Variants in AUTS2 observed in about 807,000 individuals in gnomAD.
AUTS2 encodes the protein activator of transcription and developmental regulator AUTS2.
AUTS2 carries 17 observed loss-of-function variants against 112.4 expected under a neutral mutation model. The observed-to-expected ratio is 0.15, with a 90% CI of 0.10 to 0.23. The LOEUF is 0.23. Among genes scored for constraint, AUTS2 ranks in the 10% least tolerant of loss-of-function variants. The pLI is 1.00. For synonymous variants in AUTS2, 751 were observed against 702.7 expected (o/e 1.07, Z -1.09); for missense variants, 1,510 against 1,701.6 (o/e 0.89, Z 1.98).
chr7:70,453,292 A>C (rs1237711321), intron 5 of AUTS2, among the ~76,000 whole-genome samples: 1 of 152,206 alleles, frequency 6.6e-6, no homozygotes, highest in Non-Finnish European at 1.5e-5. Context: ...GAGACTTCTC[A>C]GCGTCTGTGA....
intron 5 of AUTS2, among the ~76,000 whole-genome samples, chr7:70,666,428 G>A (rs145683273): frequency 2.0e-5 from 3 of 152,318 alleles, no homozygotes; most frequent in Non-Finnish European, 4.4e-5. Context: ...GGGAGACTTA[G>A]ATTACAGGAC....
At chr7:70,573,023 T>C (rs961836460) in intron 5 of AUTS2, among the ~76,000 whole-genome samples, 8 of 152,240 alleles carry the variant, frequency 5.3e-5, no homozygotes, top group African/African-American at 1.9e-4. Flanking sequence ...TATTGAATTT[T>C]CATGATGGAC....
chr7:70,113,934 A>G (rs1307967328), intron 2 of AUTS2, among the ~76,000 whole-genome samples: 1 of 152,204 alleles, frequency 6.6e-6, no homozygotes, highest in Non-Finnish European at 1.5e-5. Context: ...GTGGATCGTT[A>G]TTTTCCTAAT....
intron 5 of AUTS2, among the ~76,000 whole-genome samples, chr7:70,660,133 C>T (rs976341972): frequency 4.6e-5 from 7 of 151,084 alleles, no homozygotes; most frequent in African/African-American, 1.5e-4. Context: ...GCCAAGACTG[C>T]ACCACTGTAC....
chr7:70,392,481 T>C (rs1425975568), intron 4 of AUTS2, among the ~76,000 whole-genome samples: 3 of 152,152 alleles, frequency 2.0e-5, no homozygotes, highest in African/African-American at 7.2e-5. Context: ...TCTGGTGAGT[T>C]TTGAAAATAC....
intron 1 of AUTS2, among the ~76,000 whole-genome samples, chr7:69,696,727 T>G (rs945807558): frequency 5.9e-5 from 9 of 152,222 alleles, no homozygotes; most frequent in African/African-American, 2.2e-4. Context: ...TGTGTAACAT[T>G]AATTTTCTAA....
rs1359419429 is a variant in AUTS2 at position 70,781,704 on chromosome 7, C to T, written c.2094C>T (p.Ala698=). 1.2e-6 allele frequency: 2 copies of T among 1,614,100 alleles called. No individual in the cohort carries two copies. Among genetic ancestry groups the T allele is most frequent in the Non-Finnish European group, 1.7e-6 (2 of 1,180,046 alleles). ...SRPPGPSLFG[A]IHHPHDLARP... is the part of the protein sequence containing the mutation. ...CTCCAGGCCCCAGTCTTTTTGGAGC[C>T]ATCCACCACCCCCATGACCTGGCAC... The change falls in exon 15 of 19, where the codon GCC becomes GCT. Residue 698 remains alanine (A), a synonymous_variant. Transcript: ENST00000342771.
intron 5 of AUTS2, among the ~76,000 whole-genome samples, chr7:70,537,294 T>C (rs1049438844): frequency 5.3e-5 from 8 of 152,226 alleles, no homozygotes; most frequent in African/African-American, 1.4e-4. Context: ...TGTAGCTACA[T>C]CCATCCACTC....
chr7:70,574,825 C>T (rs777414399), intron 5 of AUTS2, among the ~76,000 whole-genome samples: 7 of 152,134 alleles, frequency 4.6e-5, no homozygotes, highest in Admixed American at 6.5e-5. Context: ...CCCTTCTCCC[C>T]GACCCCCTCA....
intron 5 of AUTS2, among the ~76,000 whole-genome samples, chr7:70,441,217 T>C (rs551603067): frequency 9.2e-5 from 14 of 152,204 alleles, no homozygotes; most frequent in Non-Finnish European, 1.9e-4. Context: ...TTTCTCTCTG[T>C]GCTGTTAGCA....
At chr7:69,793,601 C>T (rs1416871032) in intron 1 of AUTS2, among the ~76,000 whole-genome samples, 2 of 152,048 alleles carry the variant, frequency 1.3e-5, no homozygotes, top group African/African-American at 2.4e-5. Flanking sequence ...TGGCTTTGGG[C>T]AGGGTGTAGG....
intron 4 of AUTS2, among the ~76,000 whole-genome samples, chr7:70,370,533 C>T (rs897587937): frequency 6.6e-6 from 1 of 152,186 alleles, no homozygotes; most frequent in African/African-American, 2.4e-5. Flanking sequence ...TACATTGCCT[C>T]ATAATATTAC....
intron 4 of AUTS2, among the ~76,000 whole-genome samples, chr7:70,310,815 A>G (rs1789712656): frequency 1.3e-5 from 2 of 152,164 alleles, no homozygotes; most frequent in East Asian, 1.9e-4. Flanking sequence ...CTCGGCCTGC[A>G]AAAGATAACA....
At chr7:70,577,833 T>TA (rs1802239805) in intron 5 of AUTS2, among the ~76,000 whole-genome samples, 1 of 150,228 alleles carries the variant, frequency 6.7e-6, no homozygotes, top group African/African-American at 2.5e-5. Context: ...TTTTCTTTAT[T>TA]TTTTTTTTAT....
chr7:70,287,523 A>T (rs1022293252), intron 4 of AUTS2, among the ~76,000 whole-genome samples: 2 of 152,148 alleles, frequency 1.3e-5, no homozygotes, highest in Non-Finnish European at 2.9e-5. Context: ...TATTCAACTA[A>T]ACTAGTGGCT....
At chr7:70,170,129 C>T (rs1160744475) in intron 4 of AUTS2, among the ~76,000 whole-genome samples, 4 of 146,372 alleles carry the variant, frequency 2.7e-5, no homozygotes, top group African/African-American at 5.0e-5. Context: ...CACTGTCTCT[C>T]AAAAGGCAAT....
chr7:69,636,715 TTTTTCCTAC>T (rs1337852238), intron 1 of AUTS2, among the ~76,000 whole-genome samples: 1 of 152,172 alleles, frequency 6.6e-6, no homozygotes, highest in East Asian at 1.9e-4. Flanking sequence ...AGTATGCTTT[TTTTTCCTAC>T]TTAATAAGAT....
At chr7:70,189,199 C>A (rs1387011387) in intron 4 of AUTS2, among the ~76,000 whole-genome samples, 1 of 152,000 alleles carries the variant, frequency 6.6e-6, no homozygotes, top group African/African-American at 2.4e-5. Flanking sequence ...GATAATGAAG[C>A]AAAATGATGT....
intron 5 of AUTS2, among the ~76,000 whole-genome samples, chr7:70,531,603 C>T (rs1390780095): frequency 6.6e-6 from 1 of 151,930 alleles, no homozygotes; most frequent in African/African-American, 2.4e-5. Flanking sequence ...GGTGGGGTTC[C>T]AGGCTTTAAA....
Sources: gnomAD v4.1 joint callset for allele counts (sites outside exome capture counted in the v4.1 genomes callset) on GRCh38, gnomAD v4.1.1 for gene constraint, MANE v1.5 for transcripts, NCBI Gene and HGNC (gene_info 2026-07-23, HGNC 2026-07-21) for gene names.